TAFA2: variants seen among roughly 807,000 people sequenced by gnomAD.
TAFA2 encodes TAFA chemokine like family member 2.
A neutral mutation model predicts 18.8 loss-of-function variants in TAFA2; 7 were observed. The ratio of observed to expected loss-of-function variants is 0.37; its 90% CI spans 0.21 to 0.70. The LOEUF (loss-of-function observed/expected upper bound fraction) is 0.70, where lower values mean the gene tolerates loss of function less well. TAFA2 is among the 30% of genes least tolerant of loss of function. TAFA2 has a pLI of 0.53. For missense variants in TAFA2, 122 were observed against 158.1 expected (o/e 0.77, Z 1.23); for synonymous variants, 60 against 54.2 (o/e 1.11, Z -0.47).
intron 1 of TAFA2, among the ~76,000 whole-genome samples, chr12:62,058,147 G>C (rs1377704408): frequency 6.6e-6 from 1 of 151,992 alleles, no homozygotes; most frequent in Non-Finnish European, 1.5e-5. Context: ...TCTTGCTATT[G>C]AGAAGTCAAC....
At chr12:62,173,921 G>T (rs1321720122) in intron 1 of TAFA2, among the ~76,000 whole-genome samples, 1 of 152,154 alleles carries the variant, frequency 6.6e-6, no homozygotes, top group African/African-American at 2.4e-5. Context: ...CAGACCAAAA[G>T]GTCTTACCAG....
At chr12:62,072,255 G>A (rs1014543811) in intron 1 of TAFA2, among the ~76,000 whole-genome samples, 8 of 151,410 alleles carry the variant, frequency 5.3e-5, no homozygotes, top group African/African-American at 1.9e-4. Flanking sequence ...ACAAGGTCAG[G>A]AGATCGAGAC....
intron 1 of TAFA2, among the ~76,000 whole-genome samples, chr12:62,068,255 A>G (rs1176061796): frequency 1.3e-5 from 2 of 152,158 alleles, no homozygotes; most frequent in African/African-American, 4.8e-5. Flanking sequence ...AACTAGCTAT[A>G]CAAAGTTAAT....
At chr12:61,836,315 G>A (rs772660802) in intron 2 of TAFA2, among the ~76,000 whole-genome samples, 1 of 151,870 alleles carries the variant, frequency 6.6e-6, no homozygotes, top group Non-Finnish European at 1.5e-5. Context: ...AAATATAAAA[G>A]ATTTTTAAAA....
chr12:61,940,559 A>T (rs1403559011), intron 1 of TAFA2, among the ~76,000 whole-genome samples: 2 of 152,264 alleles, frequency 1.3e-5, no homozygotes, highest in African/African-American at 4.8e-5. Flanking sequence ...CTTTAGAGGT[A>T]ACAATCACAT....
chr12:62,019,182 A>C (rs1289817843), intron 1 of TAFA2, among the ~76,000 whole-genome samples: 7 of 152,138 alleles, frequency 4.6e-5, no homozygotes, highest in East Asian at 3.9e-4. Flanking sequence ...ACAACAGGTG[A>C]TGGAGAGGAT....
At chr12:62,049,492 G>A (rs76214166) in intron 1 of TAFA2, among the ~76,000 whole-genome samples, 3,612 of 152,206 alleles carry the variant, frequency 0.024, 138 homozygotes, top group African/African-American at 0.082. Flanking sequence ...GTTTGGATGA[G>A]GTTGTAAAGG....
chr12:61,940,359 GT>G (rs1286464288), intron 1 of TAFA2, among the ~76,000 whole-genome samples: 1 of 152,212 alleles, frequency 6.6e-6, no homozygotes, highest in African/African-American at 2.4e-5. Flanking sequence ...AGAAAATAAA[GT>G]GCAAAGGGAT....
chr12:61,724,801 G>A (rs201840251), intron 4 of TAFA2, among the ~76,000 whole-genome samples: 32,163 of 107,892 alleles, frequency 0.3, 4,844 homozygotes, highest in Non-Finnish European at 0.33. Context: ...GTGTGTGTGT[G>A]TATACACCAG....
intron 1 of TAFA2, among the ~76,000 whole-genome samples, chr12:62,085,912 C>T (rs1868430537): frequency 6.6e-6 from 1 of 152,034 alleles, no homozygotes; most frequent in Non-Finnish European, 1.5e-5. Flanking sequence ...ATAGTGAGTT[C>T]TCATGAGATC....
At chr12:62,166,155 T>C (rs1387321763) in intron 1 of TAFA2, among the ~76,000 whole-genome samples, 1 of 152,080 alleles carries the variant, frequency 6.6e-6, no homozygotes, top group East Asian at 1.9e-4. Context: ...TATTTTTCTT[T>C]TATGTATTTC....
intron 1 of TAFA2, among the ~76,000 whole-genome samples, chr12:62,185,393 G>A (rs949255057): frequency 5.9e-5 from 9 of 152,066 alleles, no homozygotes; most frequent in Admixed American, 2.0e-4. Flanking sequence ...AAGAACTAAA[G>A]TTAGAGCTAT....
intron 1 of TAFA2, chr12:61,879,641 G>A (rs1250358181): frequency 8.8e-6 from 8 of 911,396 alleles, no homozygotes; most frequent in Admixed American, 1.7e-5. Context: ...CTCCTTCATC[G>A]ACAAGGTACG....
At chr12:62,228,132 C>T (rs1307508732) in intron 1 of TAFA2, among the ~76,000 whole-genome samples, 3 of 151,964 alleles carry the variant, frequency 2.0e-5, no homozygotes, top group Non-Finnish European at 4.4e-5. Context: ...TATCGTTGCC[C>T]AAGTAGTAAA....
chr12:62,034,940 G>T (rs946103167), intron 1 of TAFA2, among the ~76,000 whole-genome samples: 8 of 152,118 alleles, frequency 5.3e-5, no homozygotes, highest in Non-Finnish European at 1.0e-4. Context: ...GGGTGAGAGA[G>T]CAAGAGATGG....
chr12:61,881,817 C>T (rs1030077877), intron 1 of TAFA2, among the ~76,000 whole-genome samples: 1 of 151,774 alleles, frequency 6.6e-6, no homozygotes, highest in Non-Finnish European at 1.5e-5. Flanking sequence ...ATGTCAAATA[C>T]AGCCTGGGGG....
chr12:61,982,979 A>T (rs1879691277), intron 1 of TAFA2, among the ~76,000 whole-genome samples: 2 of 151,356 alleles, frequency 1.3e-5, no homozygotes, highest in South Asian at 4.2e-4. Flanking sequence ...ATGGACCCAC[A>T]CTGTATTAAA....
At chr12:61,932,263 T>C (rs1390922880) in intron 1 of TAFA2, among the ~76,000 whole-genome samples, 1 of 152,146 alleles carries the variant, frequency 6.6e-6, no homozygotes, top group Non-Finnish European at 1.5e-5. Flanking sequence ...GGCAAAAAGA[T>C]AAGGTGAGAT....
At position 62,163,760 on chromosome 12, in the gene TAFA2, A is replaced by G. The variant is rs549038363; in HGVS notation, c.-2+27499T>C. On this transcript the variant is annotated intron_variant, in intron 1 of 4. Coordinates refer to ENST00000416284, the MANE Select transcript of TAFA2 (RefSeq NM_178539.5). ...AAATATATCAGTTTGTCTTCAAACT[A>G]ATGTAAATCCCTCATTGGTTTATCC... 2.6e-5 allele frequency among the ~76,000 whole-genome samples: 4 copies of G among 152,298 alleles called. No homozygotes were observed. In the South Asian group the frequency reaches 8.3e-4, roughly 32 times the overall value.
Sources: gnomAD v4.1 joint callset for allele counts (sites outside exome capture counted in the v4.1 genomes callset) on GRCh38, gnomAD v4.1.1 for gene constraint, MANE v1.5 for transcripts, NCBI Gene and HGNC (gene_info 2026-07-23, HGNC 2026-07-21) for gene names.